Variants in NOC3L observed in about 807,000 individuals in gnomAD.
NOC3L encodes the protein nucleolar complex protein 3 homolog.
In NOC3L, 85 loss-of-function variants were observed where a neutral mutation model predicts 102.5. The observed-to-expected ratio is 0.83, with a 90% CI of 0.70 to 0.99. The LOEUF (loss-of-function observed/expected upper bound fraction) is 0.99, where lower values mean the gene tolerates loss of function less well. NOC3L is among the 50% of genes least tolerant of loss of function. NOC3L has a pLI of 0.00. For missense variants in NOC3L, 878 were observed against 914.9 expected, an observed-to-expected ratio of 0.96 and a Z score of 0.52; for synonymous variants, 303 against 309.4, an observed-to-expected ratio of 0.98 and a Z score of 0.22.
chr10:94,339,718 T>C (rs777197956), intron 17 of NOC3L, 21 bp downstream of exon 17: 104 of 1,596,808 alleles, frequency 6.5e-5, no homozygotes, highest in Non-Finnish European at 8.5e-5. Flanking sequence ...CTTAGCTCTG[T>C]TCATTTGTAT....
chr10:94,324,017 T>A, the NOC3L span, among the ~76,000 whole-genome samples: 6 of 152,336 alleles, frequency 3.9e-5, no homozygotes, highest in East Asian at 1.2e-3. Context: ...CGCTGGTACA[T>A]GCAGAAAATC....
chr10:94,361,100 T>G (rs2054547240), intron 2 of NOC3L, among the ~76,000 whole-genome samples: 1 of 152,208 alleles, frequency 6.6e-6, no homozygotes, highest in South Asian at 2.1e-4. Context: ...AAGAATACCC[T>G]AAAAGTACCA....
chr10:94,340,574 C>G, intron 14 of NOC3L, 78 bp from the exon 15 acceptor site: 1 of 1,256,460 alleles, frequency 8.0e-7, no homozygotes, highest in South Asian at 1.3e-5. Context: ...TAAAAAAGAA[C>G]TTTAAGGCCA....
chr10:94,357,568 G>C (rs995661926), intron 3 of NOC3L: 1 of 337,000 alleles, frequency 3.0e-6, no homozygotes. Context: ...TTTCCCTCTA[G>C]ATGCAAAATA....
rs1450419954 is a variant in NOC3L, at chr10:94,355,019, TCTC to T, written c.637_639del (p.Glu213del). On this transcript the variant is annotated inframe_deletion, in exon 6 of 21. Transcript: ENST00000371361. Reference sequence around the variant, plus strand: ...GCCAAGGCTGCAATATGCATCTTCTTCTCCTGTAATTTCTTCTTTCTCTCAATC... The same window carrying T: ...GCCAAGGCTGCAATATGCATCTTCTTCTGTAATTTCTTCTTTCTCTCAATC... 20 of 1,613,080 alleles carry T rather than the reference TCTC, an allele frequency of 1.2e-5. No homozygotes were observed. Among genetic ancestry groups the T allele is most frequent in the Admixed American group, 1.7e-5 (1 of 59,988 alleles).
rs776017123 is a variant in NOC3L, at chr10:94,362,861, G to A, written c.-23C>T. 9 of 1,613,844 alleles carry A rather than the reference G, an allele frequency of 5.6e-6. No homozygotes were observed. The highest frequency in any genetic ancestry group is 4.0e-5 in the African/African-American group (3 of 74,940). Reference sequence around the variant, plus strand: ...CATCCTTAGGCCTTAAATGAATGCCGGCCAGACAAGTTCACCAGAAGCAGG... The same window carrying A: ...CATCCTTAGGCCTTAAATGAATGCCAGCCAGACAAGTTCACCAGAAGCAGG... On this transcript the variant is annotated 5_prime_UTR_variant, in exon 1 of 21. Coordinates refer to ENST00000371361, the MANE Select transcript of NOC3L (RefSeq NM_022451.11).
rs1033077659 is a variant in NOC3L, at chr10:94,361,833, T to C, written c.49A>G (p.Ile17Val). 2 of 1,613,476 alleles carry C rather than the reference T, an allele frequency of 1.2e-6. No individual in the cohort carries two copies. The highest frequency in any genetic ancestry group is 2.2e-5 in the South Asian group (2 of 90,996). Residue 17 changes from isoleucine to valine, a missense_variant, in exon 2 of 21, where the codon ATA becomes GTA. By Grantham distance (29) the Ile-to-Val change is conservative. Transcript: ENST00000371361. ...KKQIPSFRKLIKTSKVKLENK... is the reference protein window; with the variant it reads ...KKQIPSFRKLVKTSKVKLENK... ...TCAAGTTTGACTTTACTAGTTTTTA[T>C]TAACTTGCGAAAGCTTGGGATCTGT...
chr10:94,338,777 T>C lies in NOC3L; in HGVS notation c.1963-41A>G, dbSNP rs551757208. On this transcript the variant is annotated intron_variant, in intron 17 of 20. Coordinates refer to ENST00000371361, the MANE Select transcript of NOC3L (RefSeq NM_022451.11). ...ATAAAAAGAATTGGTTAAATTAACA[T>C]TGTTAATATAAGAGGTGTTACTGGT... 6 of 1,568,210 alleles carry C rather than the reference T, an allele frequency of 3.8e-6. No homozygotes were observed. The Admixed American group carries it at 6.8e-5, about 18-fold the overall frequency.
At chr10:94,346,102 A>C (rs752102480) in intron 11 of NOC3L, among the ~76,000 whole-genome samples, 11 of 152,350 alleles carry the variant, frequency 7.2e-5, no homozygotes, top group South Asian at 4.1e-4. Context: ...CTTTGCTGCC[A>C]ACTTCACGTG....
At chr10:94,326,378 A>T in the NOC3L span, among the ~76,000 whole-genome samples, 1 of 152,246 alleles carries the variant, frequency 6.6e-6, no homozygotes, top group African/African-American at 2.4e-5. Flanking sequence ...CCACATTTAA[A>T]GAGCAACTCC....
chr10:94,318,123 A>C, the NOC3L span, among the ~76,000 whole-genome samples: 1 of 152,202 alleles, frequency 6.6e-6, no homozygotes, highest in Non-Finnish European at 1.5e-5. Flanking sequence ...TCTTTCCCTG[A>C]CCTTGCCTGA....
intron 11 of NOC3L, among the ~76,000 whole-genome samples, chr10:94,346,148 T>C (rs2054340378): frequency 6.6e-6 from 1 of 152,184 alleles, no homozygotes; most frequent in South Asian, 2.1e-4. Flanking sequence ...AATCTGTGTA[T>C]CATAACTCTA....
intron 5 of NOC3L, among the ~76,000 whole-genome samples, chr10:94,355,612 C>T (rs1029582603): frequency 1.3e-5 from 2 of 152,098 alleles, no homozygotes; most frequent in Non-Finnish European, 2.9e-5. Context: ...TGGTCTCAAA[C>T]TCCTGGGCTC....
chr10:94,355,176 A>G, intron 5 of NOC3L, 83 bp from the exon 6 acceptor site: 3 of 1,240,942 alleles, frequency 2.4e-6, no homozygotes, highest in South Asian at 1.6e-5. Context: ...TACAGTAATA[A>G]TAATAATGAC....
intron 13 of NOC3L, among the ~76,000 whole-genome samples, chr10:94,342,553 T>TACACATAC (rs960884011): frequency 6.8e-6 from 1 of 148,078 alleles, no homozygotes; most frequent in Admixed American, 6.8e-5. Flanking sequence ...TGCATGAAGA[T>TACACATAC]ACACACACAC....
the NOC3L span, among the ~76,000 whole-genome samples, chr10:94,316,320 A>G: frequency 1.3e-5 from 2 of 152,210 alleles, no homozygotes; most frequent in Non-Finnish European, 2.9e-5. Context: ...GGGAAAAAAT[A>G]GTTATGCTGT....
At chr10:94,356,479 A>C in intron 5 of NOC3L, 56 bp downstream of exon 5, 1 of 1,027,702 alleles carries the variant, frequency 9.7e-7, no homozygotes, top group Non-Finnish European at 1.5e-6. Context: ...ACTCACATTT[A>C]CTATTATGCA....
At chr10:94,350,077 TAAG>T (rs2054396698) in intron 9 of NOC3L, 33 bp downstream of exon 9, 4 of 1,607,564 alleles carry the variant, frequency 2.5e-6, no homozygotes, top group Non-Finnish European at 3.4e-6. Context: ...TATAATTTTC[TAAG>T]GAGGACAGCA....
chr10:94,331,852 A>C (rs1447360233), downstream of NOC3L: 1 of 149,244 alleles, frequency 6.7e-6, no homozygotes, highest in African/African-American at 2.5e-5. Context: ...CTGAGTCTCT[A>C]TGATTACCAA....
Sources: gnomAD v4.1 joint callset for allele counts (sites outside exome capture counted in the v4.1 genomes callset) on GRCh38, gnomAD v4.1.1 for gene constraint, MANE v1.5 for transcripts, NCBI Gene and HGNC (gene_info 2026-07-23, HGNC 2026-07-21) for gene names.